Variants in FAM53B observed in about 807,000 individuals in gnomAD.
The protein encoded by FAM53B is protein FAM53B.
In FAM53B, 12 loss-of-function variants were observed where a neutral mutation model predicts 32.7. The observed-to-expected ratio is 0.37, with a 90% confidence interval of 0.24 to 0.59. FAM53B has a LOEUF of 0.59. Ranked by LOEUF, FAM53B falls within the 20% of genes least tolerant of loss-of-function variation. The pLI is 0.72. For missense variants in FAM53B, 477 were observed against 577.7 expected, an observed-to-expected ratio of 0.83 and a Z score of 1.79; for synonymous variants, 234 against 228.7, an observed-to-expected ratio of 1.02 and a Z score of -0.21.
At chr10:124,731,616 A>G (rs1950143483) in intron 1 of FAM53B, among the ~76,000 whole-genome samples, 1 of 150,934 alleles carries the variant, frequency 6.6e-6, no homozygotes, top group African/African-American at 2.4e-5. Context: ...GTTGAGCTCT[A>G]CTAGTTCCTG....
intron 1 of FAM53B, among the ~76,000 whole-genome samples, chr10:124,721,848 G>A (rs998449493): frequency 6.6e-5 from 10 of 152,112 alleles, no homozygotes; most frequent in Non-Finnish European, 1.5e-5. Flanking sequence ...ATATCGTATC[G>A]TTAGGCACAG....
rs1949310739 is a variant in FAM53B at position 124,621,542 on chromosome 10, CAG to C, written c.*1698_*1699del. The C allele has an allele frequency of 6.6e-6, 1 of 152,168 alleles. No individual in the cohort carries two copies. The highest frequency in any genetic ancestry group is 2.4e-5 in the African/African-American group (1 of 41,430). 9.4% of individuals were successfully genotyped at this position (152,168 alleles called of 1,614,324 possible). On this transcript the variant is annotated 3_prime_UTR_variant, in exon 5 of 5. Transcript: ENST00000337318. The stretch of plus-strand genomic sequence containing the variant: ...CACCTGAGCTAGCAACACCATCTCT[CAG>C]GGCTGTGGGGCTGGGGGCTTTCTGC...
chr10:124,648,143 C>T (rs910162216), intron 4 of FAM53B, among the ~76,000 whole-genome samples: 4 of 152,228 alleles, frequency 2.6e-5, no homozygotes, highest in Non-Finnish European at 4.4e-5. Flanking sequence ...AGAAAACCCT[C>T]TCTCTGAGAA....
rs566397471 is a variant in FAM53B, at chr10:124,733,470, G to A, written c.-175+10543C>T. Reference sequence around the variant, plus strand: ...GCTATGACAGAGCCCAGGGGGCACCGAAGCTCCCTCTTCCATCGCACCAAC... The same window carrying A: ...GCTATGACAGAGCCCAGGGGGCACCAAAGCTCCCTCTTCCATCGCACCAAC... On this transcript the variant is annotated intron_variant, in intron 1 of 4. Coordinates refer to ENST00000337318, the MANE Select transcript of FAM53B (RefSeq NM_014661.4). The surrounding 1 kb of genome is among the most constrained non-coding windows in gnomAD (Gnocchi z 4.3). 6.6e-6 allele frequency among the ~76,000 whole-genome samples: 1 copy of A among 152,256 alleles called. No individual in the cohort carries two copies. Among genetic ancestry groups the A allele is most frequent in the Non-Finnish European group, 1.5e-5 (1 of 68,024 alleles).
At chr10:124,662,889 C>T (rs1949643718) in intron 4 of FAM53B, among the ~76,000 whole-genome samples, 1 of 152,184 alleles carries the variant, frequency 6.6e-6, no homozygotes, top group African/African-American at 2.4e-5. Context: ...AAGAACCAGA[C>T]AGGTACAGGC....
intron 1 of FAM53B, among the ~76,000 whole-genome samples, chr10:124,730,102 GC>G: frequency 6.6e-6 from 1 of 152,218 alleles, no homozygotes; most frequent in East Asian, 1.9e-4. Context: ...CCACACAGTA[GC>G]CATCATTTTG....
chr10:124,625,101 C>T (rs1949338009), intron 4 of FAM53B, among the ~76,000 whole-genome samples: 1 of 152,228 alleles, frequency 6.6e-6, no homozygotes, highest in Non-Finnish European at 1.5e-5. Context: ...TCAAAGGCTG[C>T]AGTGTTTGTG....
chr10:124,687,065 T>C (rs1393277864), intron 3 of FAM53B, among the ~76,000 whole-genome samples: 1 of 152,228 alleles, frequency 6.6e-6, no homozygotes, highest in Non-Finnish European at 1.5e-5. Context: ...CTTTGAGAAG[T>C]ACAATACGAG....
At chr10:124,725,843 C>T (rs1950099172) in intron 1 of FAM53B, among the ~76,000 whole-genome samples, 1 of 152,150 alleles carries the variant, frequency 6.6e-6, no homozygotes, top group Admixed American at 6.5e-5. Context: ...TCTCAAGTTT[C>T]CCAGAAAATA....
rs1186027594 is a variant in FAM53B, at chr10:124,651,564, C to T, written c.907-27960G>A. ...CCACACACGGCACCAGGGACCTGGA[C>T]TATGCACCCCACTCCTCCTGCTGCT... On this transcript the variant is annotated intron_variant, in intron 4 of 4. Transcript: ENST00000337318. This position sits in a 1 kb window ranked among gnomAD's most constrained non-coding sequence, Gnocchi z 5.2. Among the ~76,000 whole-genome samples the T allele has an allele frequency of 6.6e-6, 1 of 152,238 alleles. No homozygotes were observed. Among genetic ancestry groups the T allele is most frequent in the African/African-American group, 2.4e-5 (1 of 41,458 alleles).
chr10:124,695,698 G>T (rs1050758446), intron 3 of FAM53B, among the ~76,000 whole-genome samples: 3 of 151,164 alleles, frequency 2.0e-5, no homozygotes, highest in African/African-American at 4.9e-5. Flanking sequence ...CAATTTTAAT[G>T]CTGTGGGAAG....
intron 4 of FAM53B, among the ~76,000 whole-genome samples, chr10:124,633,044 C>A (rs1367454946): frequency 6.6e-6 from 1 of 152,066 alleles, no homozygotes; most frequent in Non-Finnish European, 1.5e-5. Flanking sequence ...GGGTGCGATC[C>A]CCCCTTCCCA....
rs769394092 is a variant in FAM53B, at chr10:124,696,180, T to C, written c.111A>G (p.Thr37=). The C allele has an allele frequency of 6.2e-7, 1 of 1,614,062 alleles. No individual in the cohort carries two copies. The highest frequency in any genetic ancestry group is 8.5e-7 in the Non-Finnish European group (1 of 1,179,944). Residue 37 remains threonine (T), a synonymous_variant, in exon 3 of 5, where the codon ACA becomes ACG. Transcript: ENST00000337318. ...HTPKKMSQGP[T]LFSCGIMEND... ...TACCCATAATTCCACAAGAGAAAAGTGTAGGTCCTTGACTCATCTTCTTTG... is the reference window on the plus strand; with the variant it reads ...TACCCATAATTCCACAAGAGAAAAGCGTAGGTCCTTGACTCATCTTCTTTG...
At chr10:124,679,590 C>T (rs577526468) in intron 4 of FAM53B, among the ~76,000 whole-genome samples, 30 of 152,360 alleles carry the variant, frequency 2.0e-4, no homozygotes, top group African/African-American at 7.0e-4. Context: ...TCAGCGTCCA[C>T]GGGCCCAGCC....
chr10:124,695,628 C>G lies in FAM53B; in HGVS notation c.133+530G>C, dbSNP rs115247777. ...CTAGATGTAGTTACATCACTAAAGACATTCTGATACATTTACCACCCAATG... is the reference window on the plus strand; with the variant it reads ...CTAGATGTAGTTACATCACTAAAGAGATTCTGATACATTTACCACCCAATG... On this transcript the variant is annotated intron_variant, in intron 3 of 4. Transcript: ENST00000337318. Among the ~76,000 whole-genome samples the G allele has an allele frequency of 4.3e-3, 661 of 152,282 alleles. 13 individuals are homozygous for G. Among genetic ancestry groups the G allele is most frequent in the African/African-American group, 0.015 (623 of 41,558 alleles).
In FAM53B at chr10:124,625,325, TGAG is replaced by T. The variant is rs1354989126; in HGVS notation, c.907-1724_907-1722del. On this transcript the variant is annotated intron_variant, in intron 4 of 4. Transcript: ENST00000337318. ...TTGATTAACTGAGAAAGGTGAAGGC[TGAG>T]GTGTTGGGGGGAGCTCTGCACGGGA... Among the ~76,000 whole-genome samples, 4 of 152,306 alleles carry T rather than the reference TGAG, an allele frequency of 2.6e-5. No homozygotes were observed. The East Asian group carries it at 7.7e-4, about 29-fold the overall frequency.
chr10:124,664,249 G>A (rs571592565), intron 4 of FAM53B, among the ~76,000 whole-genome samples: 1 of 152,246 alleles, frequency 6.6e-6, no homozygotes, highest in East Asian at 1.9e-4. Context: ...ACTTGCCAGA[G>A]AGCAGCCTCC....
chr10:124,625,655 G>A (rs1477132791), intron 4 of FAM53B, among the ~76,000 whole-genome samples: 1 of 152,238 alleles, frequency 6.6e-6, no homozygotes, highest in East Asian at 1.9e-4. Context: ...TGAGGTGGAA[G>A]CCCCAGTGCT....
rs1340846456 is a variant in FAM53B at position 124,664,929 on chromosome 10, G to C, written c.906+16678C>G. Among the ~76,000 whole-genome samples the C allele has an allele frequency of 2.0e-5, 3 of 152,202 alleles. No individual in the cohort carries two copies. In the East Asian group the frequency reaches 5.8e-4, roughly 29 times the overall value. The stretch of plus-strand genomic sequence containing the variant: ...GTTGCCTCTGGCTTTCTCGGCTCCT[G>C]ATTTCTGACTCAGGTTGGCTCCCCA... On this transcript the variant is annotated intron_variant, in intron 4 of 4. Transcript: ENST00000337318.
Sources: gnomAD v4.1 joint callset for allele counts (sites outside exome capture counted in the v4.1 genomes callset) on GRCh38, gnomAD v4.1.1 for gene constraint, Gnocchi (gnomAD v3.1) non-coding constraint, MANE v1.5 for transcripts, NCBI Gene and HGNC (gene_info 2026-07-23, HGNC 2026-07-21) for gene names.